Variants in ANTXR2 observed in about 807,000 individuals in gnomAD.
The protein encoded by ANTXR2 is ANTXR cell adhesion molecule 2.
A neutral mutation model predicts 73.7 loss-of-function variants in ANTXR2; 44 were observed. The observed-to-expected ratio is 0.60, with a 90% confidence interval of 0.47 to 0.77. The LOEUF is 0.77. ANTXR2 is among the 30% of genes least tolerant of loss of function. ANTXR2 has a pLI of 0.00. For synonymous variants in ANTXR2, 217 were observed against 205.9 expected (o/e 1.05, Z -0.46); for missense variants, 604 against 592.5 (o/e 1.02, Z -0.20).
rs997420852 is a variant in ANTXR2, at chr4:79,902,400, A to C, written c.*5029T>G. 2.0e-5 allele frequency: 3 copies of C among 152,154 alleles called. No individual in the cohort carries two copies. The highest frequency in any genetic ancestry group is 4.4e-5 in the Non-Finnish European group (3 of 68,012). 9.4% of individuals were successfully genotyped at this position (152,154 alleles called of 1,614,324 possible). Reference sequence around the variant, plus strand: ...GGTAGCACAGGCATAGTAACTGTCAATTAAGACTTTTTTTCCAATTTTGAC... The same window carrying C: ...GGTAGCACAGGCATAGTAACTGTCACTTAAGACTTTTTTTCCAATTTTGAC... On this transcript the variant is annotated 3_prime_UTR_variant, in exon 17 of 17. Transcript: ENST00000403729.
At chr4:80,010,658 CA>C (rs1407325363) in intron 11 of ANTXR2, among the ~76,000 whole-genome samples, 4 of 152,036 alleles carry the variant, frequency 2.6e-5, no homozygotes, top group Admixed American at 6.6e-5. Context: ...GTGCCAAGAA[CA>C]GGAAAATCAG....
rs183559781 is a variant in ANTXR2, at chr4:79,914,988, C to A, written c.1429-7521G>T. Among the ~76,000 whole-genome samples the A allele has an allele frequency of 3.9e-5, 6 of 152,238 alleles. No homozygotes were observed. The East Asian group carries it at 1.2e-3, about 29-fold the overall frequency. ...GATATGACAGAAACAAAAGTCTGGT[C>A]ATAATAAAGGCTAAACTCACAATCG... On this transcript the variant is annotated intron_variant, in intron 16 of 16. Transcript: ENST00000403729.
chr4:80,045,552 A>T (rs1398736493), intron 7 of ANTXR2, among the ~76,000 whole-genome samples: 3 of 151,140 alleles, frequency 2.0e-5, no homozygotes, highest in Non-Finnish European at 4.4e-5. Flanking sequence ...AAATATTGGC[A>T]AGGGTAGTAG....
chr4:79,920,759 A>T (rs1390229231), intron 16 of ANTXR2, among the ~76,000 whole-genome samples: 1 of 152,164 alleles, frequency 6.6e-6, no homozygotes, highest in Admixed American at 6.6e-5. Flanking sequence ...TTTCTAAAGC[A>T]CATTACTAAT....
intron 10 of ANTXR2, among the ~76,000 whole-genome samples, chr4:80,025,888 G>C (rs1732412405): frequency 6.6e-6 from 1 of 152,164 alleles, no homozygotes; most frequent in African/African-American, 2.4e-5. Flanking sequence ...GAAGGAAAAA[G>C]AGCTATATTC....
chr4:79,978,301 C>T (rs1350343282), intron 14 of ANTXR2, 127 bp from the exon 15 acceptor site: 1 of 797,098 alleles, frequency 1.3e-6, no homozygotes, highest in African/African-American at 1.8e-5. Flanking sequence ...TATCCTAATT[C>T]CTAATTTCTC....
intron 12 of ANTXR2, among the ~76,000 whole-genome samples, chr4:80,005,910 A>G (rs1188473869): frequency 1.3e-5 from 2 of 152,132 alleles, no homozygotes; most frequent in African/African-American, 2.4e-5. Flanking sequence ...TACAAGACAT[A>G]GGAGGTCCTC....
At chr4:80,050,269 A>C (rs578178382) in intron 7 of ANTXR2, among the ~76,000 whole-genome samples, 1 of 151,822 alleles carries the variant, frequency 6.6e-6, no homozygotes, top group Non-Finnish European at 1.5e-5. Flanking sequence ...TTGAGGATTT[A>C]ATACCAGCGC....
intron 16 of ANTXR2, among the ~76,000 whole-genome samples, chr4:79,919,283 G>T (rs757190752): frequency 2.0e-5 from 3 of 152,106 alleles, no homozygotes; most frequent in Non-Finnish European, 4.4e-5. Flanking sequence ...AGGATAAATG[G>T]AGAAGCAAAG....
At chr4:80,066,342 A>G (rs1479427924) in intron 3 of ANTXR2, among the ~76,000 whole-genome samples, 1 of 152,246 alleles carries the variant, frequency 6.6e-6, no homozygotes, top group Non-Finnish European at 1.5e-5. Context: ...AGTCAGTGAC[A>G]AAACTGGAAC....
At chr4:80,051,188 T>C (rs72655045) in intron 7 of ANTXR2, among the ~76,000 whole-genome samples, 20,537 of 151,716 alleles carry the variant, frequency 0.14, 2,760 homozygotes, top group East Asian at 0.71. Flanking sequence ...ACTATAGGCA[T>C]ATTGGCATTT....
At chr4:80,019,356 G>A (rs1350175622) in intron 10 of ANTXR2, among the ~76,000 whole-genome samples, 2 of 152,120 alleles carry the variant, frequency 1.3e-5, no homozygotes, top group Admixed American at 1.3e-4. Flanking sequence ...CGACAACAGC[G>A]AGACTCAGTC....
chr4:80,014,575 T>C lies in ANTXR2; in HGVS notation c.945+4323A>G, dbSNP rs1228110140. ...ACAAGACTCAGTCTCAAAAAATATA[T>C]ATATATAAATAAATAAATAAAAACT... On this transcript the variant is annotated intron_variant, in intron 11 of 16. Coordinates refer to ENST00000403729, the MANE Select transcript of ANTXR2 (RefSeq NM_058172.6). 2.6e-5 allele frequency among the ~76,000 whole-genome samples: 4 copies of C among 151,608 alleles called. No homozygotes were observed. In the East Asian group the frequency reaches 5.8e-4, roughly 22 times the overall value.
chr4:79,927,946 G>A (rs1445599086), intron 16 of ANTXR2, among the ~76,000 whole-genome samples: 1 of 152,178 alleles, frequency 6.6e-6, no homozygotes, highest in East Asian at 1.9e-4. Context: ...GTGGAACACA[G>A]AATGGTAGTT....
At chr4:80,064,741 C>A (rs1360233399) in intron 3 of ANTXR2, among the ~76,000 whole-genome samples, 2 of 152,056 alleles carry the variant, frequency 1.3e-5, no homozygotes, top group Non-Finnish European at 2.9e-5. Context: ...GAGCAAAGGT[C>A]CTAATGTGGA....
intron 16 of ANTXR2, among the ~76,000 whole-genome samples, chr4:79,960,646 C>CT (rs1729107105): frequency 6.6e-6 from 1 of 151,690 alleles, no homozygotes; most frequent in Non-Finnish European, 1.5e-5. Flanking sequence ...TTCCTTCTCT[C>CT]TTTTTTTATG....
intron 16 of ANTXR2, among the ~76,000 whole-genome samples, chr4:79,921,740 TTTTG>T (rs1346254185): frequency 4.7e-5 from 5 of 106,120 alleles, no homozygotes; most frequent in East Asian, 2.1e-4. Flanking sequence ...GATGTTGTGT[TTTTG>T]TTTGTTTGTT....
At chr4:79,960,001 G>T (rs1175858192) in intron 16 of ANTXR2, among the ~76,000 whole-genome samples, 1 of 152,134 alleles carries the variant, frequency 6.6e-6, no homozygotes, top group African/African-American at 2.4e-5. Flanking sequence ...AAATTTATCT[G>T]TATGCTACGT....
intron 12 of ANTXR2, among the ~76,000 whole-genome samples, chr4:79,990,754 C>G (rs1018336793): frequency 1.3e-5 from 2 of 151,724 alleles, no homozygotes; most frequent in Non-Finnish European, 2.9e-5. Context: ...TAGAGTACAC[C>G]AAAGCAGCAT....
Sources: gnomAD v4.1 joint callset for allele counts (sites outside exome capture counted in the v4.1 genomes callset) on GRCh38, gnomAD v4.1.1 for gene constraint, MANE v1.5 for transcripts, NCBI Gene and HGNC (gene_info 2026-07-23, HGNC 2026-07-21) for gene names.